Variants in XPO4 observed in about 807,000 individuals in gnomAD.
XPO4 encodes exportin-4.
A neutral mutation model predicts 143.0 loss-of-function variants in XPO4; 39 were observed. The ratio of observed to expected loss-of-function variants is 0.27; its 90% CI spans 0.21 to 0.36. XPO4 has a LOEUF of 0.36. XPO4 is among the 10% of genes least tolerant of loss of function. The pLI is 1.00. For synonymous variants in XPO4, 439 were observed against 474.0 expected (o/e 0.93, Z 0.96); for missense variants, 907 against 1,348.0 (o/e 0.67, Z 5.12).
At chr13:20,876,255 TC>T (rs1461203835) in intron 1 of XPO4, among the ~76,000 whole-genome samples, 1 of 76,514 alleles carries the variant, frequency 1.3e-5, no homozygotes, top group African/African-American at 5.5e-5. Flanking sequence ...AAAGCAAAAC[TC>T]CATCTCGGAA....
chr13:20,783,908 A>G lies in XPO4; in HGVS notation c.3270T>C (p.Ser1090=). The G allele has an allele frequency of 6.2e-7, 1 of 1,614,188 alleles. No individual in the cohort carries two copies. Among genetic ancestry groups the G allele is most frequent in the Non-Finnish European group, 8.5e-7 (1 of 1,180,008 alleles). ...TTGATAGTAATGTTTCGACCAGTTC[A>G]GAATATTCAGCCTATTGAAGAGATA... ...TLVCLHQAEY[S]ELVETLLSSQ... The change falls in exon 23 of 23, where the codon TCT becomes TCC. Residue 1090 remains serine, a synonymous_variant. Coordinates refer to ENST00000255305, the MANE Select transcript of XPO4 (RefSeq NM_022459.5).
intron 1 of XPO4, among the ~76,000 whole-genome samples, chr13:20,879,599 G>A (rs509099): frequency 0.23 from 35,239 of 152,110 alleles, 5,736 homozygotes; most frequent in East Asian, 0.8. Flanking sequence ...GAGGAAATAA[G>A]CCACTACAAG....
intron 1 of XPO4, among the ~76,000 whole-genome samples, chr13:20,869,037 T>C (rs967071529): frequency 1.3e-5 from 2 of 152,142 alleles, no homozygotes; most frequent in Admixed American, 1.3e-4. Context: ...TTCCAAAATA[T>C]ACCACTTGGA....
At chr13:20,834,981 A>C (rs570936304) in intron 6 of XPO4, among the ~76,000 whole-genome samples, 1 of 152,286 alleles carries the variant, frequency 6.6e-6, no homozygotes, top group South Asian at 2.1e-4. Flanking sequence ...ATTTTTAAAA[A>C]TCAGAAAACT....
In XPO4 at chr13:20,862,758, A is replaced by C. The variant is rs1205815736; in HGVS notation, c.276T>G (p.Ser92=). The change falls in exon 3 of 23, where the codon TCT becomes TCG. Residue 92 remains serine, a synonymous_variant. Coordinates refer to ENST00000255305, the MANE Select transcript of XPO4 (RefSeq NM_022459.5). ...CATAGGTTAAAAGGAATGTTCGCAG[A>C]GACTCGATGCTACCTTTTTCCAAGA... ...WILLEKGSIE[S]LRTFLLTYVL... 1.2e-6 allele frequency: 2 copies of C among 1,614,068 alleles called. No individual in the cohort carries two copies. Among genetic ancestry groups the C allele is most frequent in the Non-Finnish European group, 1.7e-6 (2 of 1,180,020 alleles).
At chr13:20,821,209 A>C (rs2059715528) in intron 9 of XPO4, among the ~76,000 whole-genome samples, 1 of 152,192 alleles carries the variant, frequency 6.6e-6, no homozygotes, top group Non-Finnish European at 1.5e-5. Flanking sequence ...TATCATCCAA[A>C]AAATTAGAGA....
chr13:20,859,129 A>G (rs1663094517), intron 3 of XPO4, among the ~76,000 whole-genome samples: 1 of 151,020 alleles, frequency 6.6e-6, no homozygotes. Context: ...CTCAGGAGTT[A>G]GAGACCAGCC....
At chr13:20,822,039 AG>A in intron 8 of XPO4, 92 bp downstream of exon 8, 1 of 1,456,540 alleles carries the variant, frequency 6.9e-7, no homozygotes, top group Non-Finnish European at 9.2e-7. Flanking sequence ...TCAAAATATA[AG>A]GGGGAAAAAA....
At chr13:20,855,016 G>A (rs1418036732) in intron 4 of XPO4, among the ~76,000 whole-genome samples, 1 of 152,108 alleles carries the variant, frequency 6.6e-6, no homozygotes, top group Non-Finnish European at 1.5e-5. Context: ...AAGTTCAATA[G>A]AAACGGCTAA....
chr13:20,898,751 A>G (rs2060592219), intron 1 of XPO4, among the ~76,000 whole-genome samples: 1 of 152,306 alleles, frequency 6.6e-6, no homozygotes, highest in East Asian at 1.9e-4. Flanking sequence ...TTGGACTGCA[A>G]ATGAATGTGG....
chr13:20,901,838 C>G (rs1335562930), intron 1 of XPO4, among the ~76,000 whole-genome samples: 3 of 152,172 alleles, frequency 2.0e-5, no homozygotes, highest in African/African-American at 7.2e-5. Flanking sequence ...CTACAAACAC[C>G]GAAGTCATAA....
intron 6 of XPO4, among the ~76,000 whole-genome samples, chr13:20,834,737 T>C (rs941444676): frequency 6.6e-6 from 1 of 151,018 alleles, no homozygotes; most frequent in African/African-American, 2.4e-5. Flanking sequence ...AGCGGGAGGA[T>C]CACTTGAGCC....
chr13:20,793,606 T>G (rs531251375), intron 18 of XPO4, among the ~76,000 whole-genome samples: 2 of 152,126 alleles, frequency 1.3e-5, no homozygotes, highest in African/African-American at 4.8e-5. Flanking sequence ...CAGGCTGGAG[T>G]GCTGTAGCAC....
At chr13:20,886,893 G>A (rs1165361071) in intron 1 of XPO4, among the ~76,000 whole-genome samples, 1 of 151,912 alleles carries the variant, frequency 6.6e-6, no homozygotes, top group Non-Finnish European at 1.5e-5. Flanking sequence ...GACCAAAATG[G>A]AGAAACCCTG....
Position 20,807,735 on chromosome 13 carries a change from T to A in XPO4, c.1640-101A>T. On this transcript the variant is annotated intron_variant, in intron 12 of 22. Transcript: ENST00000255305. ...TTTGATTTATATACATCATATAAAT[T>A]GATGTAAATTATAAATGTTAACCTG... The A allele has an allele frequency of 3.3e-6, 3 of 896,030 alleles. No individual in the cohort carries two copies. The South Asian group carries it at 7.9e-5, about 24-fold the overall frequency. The allele number at this position is 896,030 out of a possible 1,614,324, so 55.5% of individuals were successfully genotyped here.
At chr13:20,871,220 G>GC (rs1226313722) in intron 1 of XPO4, among the ~76,000 whole-genome samples, 1 of 152,112 alleles carries the variant, frequency 6.6e-6, no homozygotes, top group African/African-American at 2.4e-5. Context: ...TCACTCTGTT[G>GC]CCCATGCTGG....
chr13:20,828,175 G>A (rs1045385194), intron 6 of XPO4, among the ~76,000 whole-genome samples: 5 of 151,588 alleles, frequency 3.3e-5, no homozygotes, highest in African/African-American at 1.2e-4. Flanking sequence ...CTCCCGCAGA[G>A]GTTGCAGTGA....
intron 4 of XPO4, chr13:20,849,719 CAT>C: frequency 2.0e-6 from 2 of 984,520 alleles, no homozygotes; most frequent in Non-Finnish European, 2.4e-6. Flanking sequence ...ATAATCTTTC[CAT>C]AAAACTATCT....
chr13:20,851,079 T>G, intron 4 of XPO4: 1 of 985,360 alleles, frequency 1.0e-6, no homozygotes. Flanking sequence ...TTTAATCATC[T>G]TGTTCACTGT....
Sources: allele counts gnomAD v4.1 joint callset (sites outside exome capture counted in the v4.1 genomes callset), GRCh38; gene constraint gnomAD v4.1.1; transcripts MANE v1.5; gene names NCBI Gene and HGNC (gene_info 2026-07-23, HGNC 2026-07-21).